Variants in SPATA45 observed in about 807,000 individuals in gnomAD.
SPATA45 encodes spermatogenesis-associated protein 45.
Under a neutral mutation model 7.0 loss-of-function variants are expected in SPATA45, and 5 were observed. The ratio of observed to expected loss-of-function variants is 0.71; its 90% CI spans 0.37 to 1.50. SPATA45 has a LOEUF of 1.50. SPATA45 is among the 40% of genes most tolerant of loss of function. The pLI is 0.03. For missense variants in SPATA45, 111 were observed against 114.9 expected (o/e 0.97, Z 0.16); for synonymous variants, 40 against 38.7 (o/e 1.03, Z -0.13).
chr1:212,846,306 C>T (rs948084316), intron 1 of SPATA45, among the ~76,000 whole-genome samples: 4 of 152,142 alleles, frequency 2.6e-5, no homozygotes, highest in African/African-American at 7.2e-5. Context: ...CCATACCACC[C>T]CCAAAAGTTT....
At position 212,831,517 on chromosome 1, in the gene SPATA45, A is replaced by G. The variant is rs369551400; in HGVS notation, c.278-1256T>C. ...CTCAAATTACTAAAAGCATGATACT[A>G]GTCAATGACAGAGGCAAAACTTGAA... On this transcript the variant is annotated intron_variant, in intron 2 of 2. Coordinates refer to ENST00000332912, the MANE Select transcript of SPATA45 (RefSeq NM_001024601.3). Among the ~76,000 whole-genome samples the G allele has an allele frequency of 2.7e-3, 409 of 151,044 alleles. 7 individuals are homozygous for G. Among genetic ancestry groups the G allele is most frequent in the Non-Finnish European group, 2.0e-3 (132 of 67,580 alleles).
intron 2 of SPATA45, among the ~76,000 whole-genome samples, chr1:212,830,655 G>C (rs902700638): frequency 7.8e-5 from 11 of 141,832 alleles, no homozygotes; most frequent in Non-Finnish European, 1.5e-5. Flanking sequence ...CTGGGCGAAA[G>C]AGCAAGACTC....
Position 212,836,044 on chromosome 1 carries a change from C to T in SPATA45, c.106G>A (p.Glu36Lys), listed in dbSNP as rs140241215. 279 of 1,610,924 alleles carry T rather than the reference C, an allele frequency of 1.7e-4. 7 individuals carry two copies. The highest frequency in any genetic ancestry group is 2.2e-4 in the Non-Finnish European group (262 of 1,177,728). Reference sequence around the variant, plus strand: ...AGTAAGCTGACTTGATTGCTTCGTTCCACCAAGCAGTTGGATTCACGCTTT... The same window carrying T: ...AGTAAGCTGACTTGATTGCTTCGTTTCACCAAGCAGTTGGATTCACGCTTT... Reference protein sequence around the residue: ...NKKRESNCLVERSNQVSLLRV... With the variant: ...NKKRESNCLVKRSNQVSLLRV... Residue 36 changes from glutamate to lysine, a missense_variant, in exon 2 of 3, where the codon GAA becomes AAA. Coordinates refer to ENST00000332912, the MANE Select transcript of SPATA45 (RefSeq NM_001024601.3).
chr1:212,845,068 C>T (rs1251747528), intron 1 of SPATA45, among the ~76,000 whole-genome samples: 1 of 152,200 alleles, frequency 6.6e-6, no homozygotes, highest in Non-Finnish European at 1.5e-5. Context: ...GGTTCTTGGA[C>T]CAAGGAAAAT....
chr1:212,835,525 A>G (rs1424156437), intron 2 of SPATA45, among the ~76,000 whole-genome samples: 1 of 150,496 alleles, frequency 6.6e-6, no homozygotes, highest in Non-Finnish European at 1.5e-5. Context: ...CTCTGTCTCA[A>G]AAAACAAAAA....
At chr1:212,836,856 A>G (rs1389226630) in intron 1 of SPATA45, among the ~76,000 whole-genome samples, 3 of 145,284 alleles carry the variant, frequency 2.1e-5, no homozygotes, top group Admixed American at 6.9e-5. Context: ...ACGGGGTGTC[A>G]CCATATTGGC....
intron 1 of SPATA45, among the ~76,000 whole-genome samples, chr1:212,838,176 G>C (rs1663619931): frequency 6.6e-6 from 1 of 151,318 alleles, no homozygotes; most frequent in East Asian, 1.9e-4. Context: ...ATGGTGGTAT[G>C]CACTTGTAAT....
intron 2 of SPATA45, 33 bp downstream of exon 2, chr1:212,835,836 CAAAA>C (rs369495200): frequency 5.7e-5 from 77 of 1,358,416 alleles, no homozygotes; most frequent in South Asian, 1.1e-4. Context: ...AACTCCATCT[CAAAA>C]AAAAAAAAAA....
chr1:212,836,122 T>C lies in SPATA45; in HGVS notation c.28A>G (p.Ile10Val). 1 of 1,606,436 alleles carries C rather than the reference T, an allele frequency of 6.2e-7. No homozygotes were observed. Among genetic ancestry groups the C allele is most frequent in the Non-Finnish European group, 8.5e-7 (1 of 1,173,484 alleles). The part of the protein sequence containing the change: MASINRTIE[I>V]MKKHGVSKQH... ...TTGCTTACTCCATGTTTTTTCATTA[T>C]TTCAATGGTTCTGTTTATAGATGCC... The change falls in exon 2 of 3, where the codon ATA becomes GTA. Residue 10 changes from isoleucine (I) to valine (V), a missense_variant. Ile to Val is a conservative substitution (Grantham distance 29). Coordinates refer to ENST00000332912, the MANE Select transcript of SPATA45 (RefSeq NM_001024601.3).
intron 2 of SPATA45, among the ~76,000 whole-genome samples, chr1:212,834,002 G>A (rs1345643637): frequency 6.6e-6 from 1 of 151,652 alleles, no homozygotes; most frequent in African/African-American, 2.4e-5. Context: ...GCCCACCTCG[G>A]CCTCCCAAAA....
Position 212,836,195 on chromosome 1 carries a change from C to G in SPATA45, c.-38-8G>C. ...CAAGTGATTCTTGCTGTCCTACAAACAAATGAAAAAATACTTTCAATTGTC... is the reference window on the plus strand; with the variant it reads ...CAAGTGATTCTTGCTGTCCTACAAAGAAATGAAAAAATACTTTCAATTGTC... On this transcript the variant is annotated splice_region_variant and splice_polypyrimidine_tract_variant and intron_variant, in intron 1 of 2. Coordinates refer to ENST00000332912, the MANE Select transcript of SPATA45 (RefSeq NM_001024601.3). 1 of 1,501,952 alleles carries G rather than the reference C, an allele frequency of 6.7e-7. No individual in the cohort carries two copies. The highest frequency in any genetic ancestry group is 1.2e-5 in the South Asian group (1 of 80,376). 93.0% of individuals were successfully genotyped at this position (1,501,952 alleles called of 1,614,324 possible).
chr1:212,838,786 C>T (rs548151321), intron 1 of SPATA45, among the ~76,000 whole-genome samples: 2 of 151,676 alleles, frequency 1.3e-5, no homozygotes, highest in East Asian at 1.9e-4. Context: ...ACGGCATCCT[C>T]GACCTCCCAG....
chr1:212,846,304 C>A (rs1663793170), intron 1 of SPATA45, among the ~76,000 whole-genome samples: 1 of 152,136 alleles, frequency 6.6e-6, no homozygotes, highest in Non-Finnish European at 1.5e-5. Context: ...CTCCATACCA[C>A]CCCCAAAAGT....
At chr1:212,840,468 G>GT (rs371726016) in intron 1 of SPATA45, among the ~76,000 whole-genome samples, 17 of 152,148 alleles carry the variant, frequency 1.1e-4, no homozygotes, top group East Asian at 3.9e-4. Flanking sequence ...ATTTTGTTTT[G>GT]TTTTTTTGAG....
chr1:212,844,370 C>G (rs1663750532), intron 1 of SPATA45, among the ~76,000 whole-genome samples: 1 of 152,166 alleles, frequency 6.6e-6, no homozygotes, highest in African/African-American at 2.4e-5. Context: ...GCTGCGTCTC[C>G]CACAGTTACC....
Position 212,844,546 on chromosome 1 carries a change from AT to A in SPATA45, c.-39+3033del, listed in dbSNP as rs1426013586. On this transcript the variant is annotated intron_variant, in intron 1 of 2. Coordinates refer to ENST00000332912, the MANE Select transcript of SPATA45 (RefSeq NM_001024601.3). ...TCACACTATTGATGGCAGTTCCACC[AT>A]GCCTAATCGCCACTCACCAGCAAAG... is the stretch of plus-strand genomic sequence containing the variant. Among the ~76,000 whole-genome samples the A allele has an allele frequency of 6.6e-5, 10 of 152,174 alleles. No individual in the cohort carries two copies. The East Asian group carries it at 1.7e-3, about 26-fold the overall frequency.
intron 1 of SPATA45, among the ~76,000 whole-genome samples, chr1:212,842,996 G>A (rs975867058): frequency 3.9e-5 from 6 of 151,910 alleles, no homozygotes; most frequent in Non-Finnish European, 1.5e-5. Flanking sequence ...ACTTGTGAGG[G>A]TGAGGCAGGA....
At chr1:212,836,477 C>T (rs1026986767) in intron 1 of SPATA45, among the ~76,000 whole-genome samples, 4 of 151,158 alleles carry the variant, frequency 2.6e-5, no homozygotes, top group Admixed American at 6.6e-5. Flanking sequence ...ATTACAGGCG[C>T]GCACTACCAT....
At chr1:212,843,999 C>T (rs898931927) in intron 1 of SPATA45, among the ~76,000 whole-genome samples, 1 of 152,162 alleles carries the variant, frequency 6.6e-6, no homozygotes, top group African/African-American at 2.4e-5. Context: ...ACTCTCCTTT[C>T]CATTCCTTAA....
Sources: gnomAD v4.1 joint callset for allele counts (sites outside exome capture counted in the v4.1 genomes callset) on GRCh38, gnomAD v4.1.1 for gene constraint, MANE v1.5 for transcripts, NCBI Gene and HGNC (gene_info 2026-07-23, HGNC 2026-07-21) for gene names.